The following VAV3 variants were observed in gnomAD, a reference collection of about 807,000 sequenced individuals.
VAV3 encodes guanine nucleotide exchange factor VAV3.
VAV3 carries 94 observed loss-of-function variants against 131.2 expected under a neutral mutation model. That is an observed-to-expected ratio of 0.72 (90% CI 0.61 to 0.85). The LOEUF (loss-of-function observed/expected upper bound fraction) is 0.85, where lower values mean the gene tolerates loss of function less well. Among genes scored for constraint, VAV3 ranks in the 40% least tolerant of loss-of-function variants. The pLI is 0.00. For synonymous variants in VAV3, 349 were observed against 342.0 expected (o/e 1.02, Z -0.22); for missense variants, 939 against 1,002.7 (o/e 0.94, Z 0.86).
chr1:107,616,055 A>G (rs1275006863), intron 21 of VAV3, among the ~76,000 whole-genome samples: 1 of 152,200 alleles, frequency 6.6e-6, no homozygotes, highest in Non-Finnish European at 1.5e-5. Flanking sequence ...TTTCTCAAGG[A>G]ACTTAAAGCA....
chr1:107,904,543 GATA>G (rs1177624232), intron 1 of VAV3, among the ~76,000 whole-genome samples: 2 of 152,164 alleles, frequency 1.3e-5, no homozygotes, highest in Non-Finnish European at 2.9e-5. Context: ...ACAGTCTTCA[GATA>G]ATATTTTCTC....
Position 107,590,096 on chromosome 1 carries a change from G to A in VAV3, c.2350+6116C>T, listed in dbSNP as rs189759956. Among the ~76,000 whole-genome samples, 329 of 152,268 alleles carry A rather than the reference G, an allele frequency of 2.2e-3. 4 individuals carry two copies. Among genetic ancestry groups the A allele is most frequent in the South Asian group, 4.3e-3 (21 of 4,830 alleles). ...ACCACACCCAGGGAGAGACAGCCTA[G>A]GCTCTGTTCTGGCTTCTACTTCTTC... On this transcript the variant is annotated intron_variant, in intron 25 of 26. Coordinates refer to ENST00000370056, the MANE Select transcript of VAV3 (RefSeq NM_006113.5).
chr1:107,898,720 A>C (rs1671722983), intron 1 of VAV3, among the ~76,000 whole-genome samples: 1 of 152,210 alleles, frequency 6.6e-6, no homozygotes, highest in South Asian at 2.1e-4. Flanking sequence ...TCCTATAAAA[A>C]TATATCTACT....
intron 2 of VAV3, among the ~76,000 whole-genome samples, chr1:107,816,649 G>A (rs1246764376): frequency 6.6e-6 from 1 of 152,098 alleles, no homozygotes; most frequent in African/African-American, 2.4e-5. Context: ...TTTTTGCTAG[G>A]AGTTATAAGA....
At chr1:107,590,858 C>T (rs1650895279) in intron 25 of VAV3, among the ~76,000 whole-genome samples, 1 of 152,158 alleles carries the variant, frequency 6.6e-6, no homozygotes, top group Non-Finnish European at 1.5e-5. Context: ...CGGACATCTG[C>T]AATAGCCTCC....
In VAV3 at chr1:107,912,211, C is replaced by T. The variant is rs111676506; in HGVS notation, c.205-37194G>A. 9.4e-3 allele frequency among the ~76,000 whole-genome samples: 1,427 copies of T among 152,254 alleles called. 8 individuals are homozygous for T. Among genetic ancestry groups the T allele is most frequent in the Non-Finnish European group, 0.013 (889 of 68,010 alleles). ...TCTTTCTGACACAAAAAAATAACAA[C>T]TTCAAAGGCAGACTAATGTTTTCAA... is the stretch of plus-strand genomic sequence containing the variant. On this transcript the variant is annotated intron_variant, in intron 1 of 26. Coordinates refer to ENST00000370056, the MANE Select transcript of VAV3 (RefSeq NM_006113.5).
rs573144852 is a variant in VAV3, at chr1:107,818,443, G to A, written c.322-38951C>T. On this transcript the variant is annotated intron_variant, in intron 2 of 26. Transcript: ENST00000370056. The stretch of plus-strand genomic sequence containing the variant: ...TAGGAATCACACAGACGCAAATTCC[G>A]GAAAAGAGGGAAGGAGGGGAAAGGA... 1.2e-4 allele frequency among the ~76,000 whole-genome samples: 18 copies of A among 151,328 alleles called. No homozygotes were observed. The South Asian group carries it at 2.9e-3, about 25-fold the overall frequency.
intron 2 of VAV3, among the ~76,000 whole-genome samples, chr1:107,874,014 AT>A (rs1260429879): frequency 1.3e-5 from 2 of 152,218 alleles, no homozygotes; most frequent in Admixed American, 6.5e-5. Context: ...AGTTAAAACA[AT>A]GTATACTCTC....
At chr1:107,963,232 G>A (rs1261006501) in intron 1 of VAV3, among the ~76,000 whole-genome samples, 1 of 152,090 alleles carries the variant, frequency 6.6e-6, no homozygotes, top group Non-Finnish European at 1.5e-5. Context: ...CCTGACCCAC[G>A]CTGCCTCCTG....
intron 19 of VAV3, among the ~76,000 whole-genome samples, chr1:107,675,055 G>C (rs972098532): frequency 2.0e-5 from 3 of 152,162 alleles, no homozygotes; most frequent in African/African-American, 7.2e-5. Flanking sequence ...CTTCGGATGA[G>C]ATCCAGCCCT....
intron 25 of VAV3, among the ~76,000 whole-genome samples, chr1:107,582,493 C>A: frequency 6.6e-6 from 1 of 151,816 alleles, no homozygotes; most frequent in South Asian, 2.1e-4. Flanking sequence ...ACATGTGCCA[C>A]GCTGGTGCGC....
At chr1:107,853,621 G>A (rs975389245) in intron 2 of VAV3, among the ~76,000 whole-genome samples, 5 of 151,038 alleles carry the variant, frequency 3.3e-5, no homozygotes, top group African/African-American at 1.2e-4. Context: ...TTCTTTTAAT[G>A]TCTTTAAAAA....
At chr1:107,824,473 G>T (rs1667930287) in intron 2 of VAV3, among the ~76,000 whole-genome samples, 1 of 152,132 alleles carries the variant, frequency 6.6e-6, no homozygotes. Context: ...CAATGTACAA[G>T]GTATTCTGCT....
At chr1:107,650,716 C>G (rs1306156867) in intron 19 of VAV3, among the ~76,000 whole-genome samples, 1 of 120,302 alleles carries the variant, frequency 8.3e-6, no homozygotes, top group Non-Finnish European at 1.7e-5. Flanking sequence ...CCCCCCTCCC[C>G]CCACCCCACA....
intron 2 of VAV3, among the ~76,000 whole-genome samples, chr1:107,798,822 A>AT (rs1009597370): frequency 1.4e-4 from 21 of 150,282 alleles, no homozygotes; most frequent in African/African-American, 2.7e-4. Flanking sequence ...TTTTCTATTG[A>AT]TTTTTTAACA....
intron 22 of VAV3, among the ~76,000 whole-genome samples, chr1:107,603,922 A>G (rs981930287): frequency 1.3e-5 from 2 of 151,962 alleles, no homozygotes; most frequent in African/African-American, 2.4e-5. Flanking sequence ...CCTGTGCCTC[A>G]GCCTCCCAAG....
intron 7 of VAV3, among the ~76,000 whole-genome samples, chr1:107,767,965 T>C (rs1664825653): frequency 6.6e-6 from 1 of 152,186 alleles, no homozygotes; most frequent in Non-Finnish European, 1.5e-5. Flanking sequence ...GGGTATTTCA[T>C]AAATGGGAGT....
intron 1 of VAV3, among the ~76,000 whole-genome samples, chr1:107,878,577 C>A (rs772140399): frequency 6.6e-6 from 1 of 152,098 alleles, no homozygotes; most frequent in Non-Finnish European, 1.5e-5. Context: ...ACTTGTATTT[C>A]CTGTGAACTG....
intron 2 of VAV3, among the ~76,000 whole-genome samples, chr1:107,817,976 T>C (rs777388698): frequency 1.1e-4 from 17 of 152,146 alleles, no homozygotes; most frequent in Non-Finnish European, 2.2e-4. Flanking sequence ...CCACAAGCTG[T>C]AGACACCATT....
Sources: allele counts gnomAD v4.1 joint callset (sites outside exome capture counted in the v4.1 genomes callset), GRCh38; gene constraint gnomAD v4.1.1; transcripts MANE v1.5; gene names NCBI Gene and HGNC (gene_info 2026-07-23, HGNC 2026-07-21).